The following PTPRG variants were observed in gnomAD, a reference collection of about 807,000 sequenced individuals.
PTPRG encodes the protein receptor-type tyrosine-protein phosphatase gamma.
Under a neutral mutation model 165.3 loss-of-function variants are expected in PTPRG, and 102 were observed. The observed-to-expected ratio is 0.62, with a 90% CI of 0.53 to 0.73. PTPRG has a LOEUF of 0.73. PTPRG is among the 30% of genes least tolerant of loss of function. The probability of loss-of-function intolerance (pLI) is 0.00; values close to 1 mark genes in which losing one functional copy is unlikely to be tolerated. For missense variants in PTPRG, 1,866 were observed against 1,861.4 expected (o/e 1.00, Z -0.05); for synonymous variants, 675 against 669.5 (o/e 1.01, Z -0.13).
At position 61,729,065 on chromosome 3, in the gene PTPRG, A is replaced by AAACAAACAAACAAAC. The variant is rs1553656321; in HGVS notation, c.86-19811_86-19810insCAAACAAACAAACAA. On this transcript the variant is annotated intron_variant, in intron 1 of 29. Transcript: ENST00000474889. ...CGGCAGAGAGAGACCCTGTCTCAAAAAAACAAACAAACAAACAAACAAAAA... is the reference window on the plus strand; with the variant it reads ...CGGCAGAGAGAGACCCTGTCTCAAAAAACAAACAAACAAACAAACAAACAAACAAACAAACAAAAA... Among the ~76,000 whole-genome samples the AAACAAACAAACAAAC allele has an allele frequency of 3.3e-5, 5 of 151,540 alleles. No homozygotes were observed. The East Asian group carries it at 5.9e-4, about 18-fold the overall frequency.
intron 1 of PTPRG, among the ~76,000 whole-genome samples, chr3:61,729,319 G>C (rs1483888665): frequency 1.3e-5 from 2 of 152,160 alleles, no homozygotes; most frequent in African/African-American, 4.8e-5. Context: ...TTAAAGGGAA[G>C]AGTAAAGTCT....
rs145523974 is a variant in PTPRG at position 62,121,515 on chromosome 3, C to T, written c.616-11087C>T. 2.2e-3 allele frequency among the ~76,000 whole-genome samples: 335 copies of T among 152,260 alleles called. 2 individuals carry two copies. The highest frequency in any genetic ancestry group is 7.5e-3 in the African/African-American group (313 of 41,554). ...CTCTAGCATCCTGGTTTCAGAAACC[C>T]TGTACTTAACCACTACACTAGTCTT... On this transcript the variant is annotated intron_variant, in intron 5 of 29. Coordinates refer to ENST00000474889, the MANE Select transcript of PTPRG (RefSeq NM_002841.4).
chr3:62,104,602 A>C lies in PTPRG; in HGVS notation c.615+26344A>C, dbSNP rs547956974. ...CTATTTCGTAGCAATTTCAGTGTCC[A>C]GTGGAGAAATGTAGACTAGTATTTG... On this transcript the variant is annotated intron_variant, in intron 5 of 29. Transcript: ENST00000474889. Among the ~76,000 whole-genome samples the C allele has an allele frequency of 3.9e-5, 6 of 152,352 alleles. No homozygotes were observed. In the South Asian group the frequency reaches 1.2e-3, roughly 32 times the overall value.
intron 4 of PTPRG, among the ~76,000 whole-genome samples, chr3:62,069,701 C>G (rs1406469559): frequency 1.5e-4 from 23 of 150,436 alleles, no homozygotes; most frequent in Admixed American, 2.0e-4. Context: ...CAGACACACG[C>G]ACACACACAC....
At chr3:61,952,231 C>T (rs11713296) in intron 2 of PTPRG, among the ~76,000 whole-genome samples, 18,153 of 151,744 alleles carry the variant, frequency 0.12, 1,490 homozygotes, top group East Asian at 0.44. Context: ...CCACCACTGA[C>T]TGTTAGGACC....
In PTPRG at chr3:61,966,155, T is replaced by C. The variant is rs2040265362; in HGVS notation, c.191-23470T>C. Among the ~76,000 whole-genome samples the C allele has an allele frequency of 3.3e-5, 5 of 152,234 alleles. No homozygotes were observed. The South Asian group carries it at 1.0e-3, about 31-fold the overall frequency. On this transcript the variant is annotated intron_variant, in intron 2 of 29. Coordinates refer to ENST00000474889, the MANE Select transcript of PTPRG (RefSeq NM_002841.4). ...TTCCATATTGACTGACATTTACATG[T>C]GATATTTGGTTATCGAGTTTAACTA...
chr3:61,873,001 A>ATTCGAGC (rs1465605266), intron 2 of PTPRG, among the ~76,000 whole-genome samples: 3 of 152,210 alleles, frequency 2.0e-5, no homozygotes, highest in Non-Finnish European at 4.4e-5. Flanking sequence ...GTAAGAATGA[A>ATTCGAGC]TTCGAGCTGT....
At chr3:61,843,312 CAG>C (rs1249201863) in intron 2 of PTPRG, among the ~76,000 whole-genome samples, 3 of 152,142 alleles carry the variant, frequency 2.0e-5, no homozygotes, top group Non-Finnish European at 4.4e-5. Flanking sequence ...GTATTTAAAA[CAG>C]TGTGGTACTG....
chr3:61,562,059 A>G lies in PTPRG; in HGVS notation c.-229A>G, dbSNP rs778335967. On this transcript the variant is annotated 5_prime_UTR_variant, in exon 1 of 30. Coordinates refer to ENST00000474889, the MANE Select transcript of PTPRG (RefSeq NM_002841.4). ...CGGAAAGCAGCCTTTCTCCGCCGAG[A>G]GGATCGTCCCCAGCGTGGCTCTGCG... 3.0e-5 allele frequency: 16 copies of G among 527,408 alleles called. No individual in the cohort carries two copies. The highest frequency in any genetic ancestry group is 1.4e-4 in the African/African-American group (7 of 51,268). The allele number at this position is 527,408 out of a possible 1,614,324, so 32.7% of individuals were successfully genotyped here.
chr3:61,820,421 CCCATTGAG>C (rs2035916190), intron 2 of PTPRG, among the ~76,000 whole-genome samples: 1 of 152,118 alleles, frequency 6.6e-6, no homozygotes, highest in African/African-American at 2.4e-5. Flanking sequence ...GTGGTGCCCA[CCCATTGAG>C]GAAGGCCATC....
intron 4 of PTPRG, among the ~76,000 whole-genome samples, chr3:62,009,658 A>G (rs2041372937): frequency 6.6e-6 from 1 of 152,076 alleles, no homozygotes; most frequent in Non-Finnish European, 1.5e-5. Flanking sequence ...CAGGTAAGAG[A>G]ATGTGTTCCT....
Position 62,245,790 on chromosome 3 carries a change from G to C in PTPRG, c.2467+1892G>C, listed in dbSNP as rs896826812. The stretch of plus-strand genomic sequence containing the variant: ...GGTACTGGTAATCCCAGCAGTCATG[G>C]AGAGAGAGCATTTGCATGACTCTCA... On this transcript the variant is annotated intron_variant, in intron 15 of 29. Transcript: ENST00000474889. The surrounding 1 kb of genome is among the most constrained non-coding windows in gnomAD (Gnocchi z 4.2). Among the ~76,000 whole-genome samples the C allele has an allele frequency of 6.6e-6, 1 of 152,090 alleles. No individual in the cohort carries two copies. Among genetic ancestry groups the C allele is most frequent in the Non-Finnish European group, 1.5e-5 (1 of 68,002 alleles).
intron 1 of PTPRG, among the ~76,000 whole-genome samples, chr3:61,570,369 C>G (rs1266067555): frequency 6.6e-6 from 1 of 151,892 alleles, no homozygotes; most frequent in Non-Finnish European, 1.5e-5. Context: ...CAAAGTGACA[C>G]AGTTGGCTGC....
chr3:61,607,129 T>C (rs1701033256), intron 1 of PTPRG, among the ~76,000 whole-genome samples: 1 of 152,162 alleles, frequency 6.6e-6, no homozygotes. Flanking sequence ...ACTTTGGAAC[T>C]TAGAGTGACC....
rs114860555 is a variant in PTPRG, at chr3:61,571,329, A to C, written c.85+8957A>C. On this transcript the variant is annotated intron_variant, in intron 1 of 29. Coordinates refer to ENST00000474889, the MANE Select transcript of PTPRG (RefSeq NM_002841.4). ...TTGCTCAGGATTTTTTTTAAATTTT[A>C]TTTCAGACCATTTGCTTTTTGAAGA... Among the ~76,000 whole-genome samples, 259 of 152,166 alleles carry C rather than the reference A, an allele frequency of 1.7e-3. 1 individual carries two copies. The highest frequency in any genetic ancestry group is 6.1e-3 in the African/African-American group (253 of 41,488).
At chr3:61,576,202 G>GT (rs912928499) in intron 1 of PTPRG, among the ~76,000 whole-genome samples, 12 of 152,088 alleles carry the variant, frequency 7.9e-5, no homozygotes, top group Non-Finnish European at 1.5e-4. Context: ...TTGTTTGTTT[G>GT]TTTTTTTGAC....
intron 4 of PTPRG, among the ~76,000 whole-genome samples, chr3:62,025,536 G>T (rs9860802): frequency 0.24 from 36,030 of 151,956 alleles, 4,598 homozygotes; most frequent in Middle Eastern, 0.37. Context: ...ATCTCAAAGG[G>T]TTCTAAGGTT....
Position 61,738,612 on chromosome 3 carries a change from C to T in PTPRG, c.86-10266C>T, listed in dbSNP as rs562212440. The stretch of plus-strand genomic sequence containing the variant: ...CCAGGCTGGAGTGCAGTGGTGCGAT[C>T]TTGGCTCACTGCAAGCTTATTTCTC... On this transcript the variant is annotated intron_variant, in intron 1 of 29. Coordinates refer to ENST00000474889, the MANE Select transcript of PTPRG (RefSeq NM_002841.4). 7.4e-4 allele frequency among the ~76,000 whole-genome samples: 112 copies of T among 150,718 alleles called. 1 individual carries two copies. The highest frequency in any genetic ancestry group is 2.7e-3 in the African/African-American group (109 of 41,040).
At chr3:61,575,410 A>G (rs1700152654) in intron 1 of PTPRG, among the ~76,000 whole-genome samples, 1 of 152,110 alleles carries the variant, frequency 6.6e-6, no homozygotes, top group Non-Finnish European at 1.5e-5. Flanking sequence ...TTAAAAAAAA[A>G]TGCATTTTTT....
Sources: gnomAD v4.1 joint callset for allele counts (sites outside exome capture counted in the v4.1 genomes callset) on GRCh38, gnomAD v4.1.1 for gene constraint, Gnocchi (gnomAD v3.1) non-coding constraint, MANE v1.5 for transcripts, NCBI Gene and HGNC (gene_info 2026-07-23, HGNC 2026-07-21) for gene names.